Variants in MCCC2 observed in about 807,000 individuals in gnomAD.
MCCC2 encodes the protein methylcrotonyl-CoA carboxylase subunit 2, also known as methylcrotonoyl-CoA carboxylase beta chain, mitochondrial.
In MCCC2, 52 loss-of-function variants were observed where a neutral mutation model predicts 77.2. The observed-to-expected ratio is 0.67, with a 90% CI of 0.54 to 0.85. The LOEUF is 0.85. Ranked by LOEUF, MCCC2 falls within the 40% of genes least tolerant of loss-of-function variation. The probability of loss-of-function intolerance (pLI) is 0.00; values close to 1 mark genes in which losing one functional copy is unlikely to be tolerated. For synonymous variants in MCCC2, 253 were observed against 248.4 expected, an observed-to-expected ratio of 1.02 and a Z score of -0.18; for missense variants, 682 against 703.2, an observed-to-expected ratio of 0.97 and a Z score of 0.34.
chr5:71,604,311 A>G lies in MCCC2; in HGVS notation c.512-45A>G, dbSNP rs1745577631. On this transcript the variant is annotated intron_variant, in intron 5 of 16. Transcript: ENST00000340941. ...ATACAAGTTTCCCTCTGCGTAGCAC[A>G]TTTAGTTCATAGAGATGCTTATGTT... The G allele has an allele frequency of 2.7e-6, 4 of 1,508,422 alleles. No homozygotes were observed. The African/African-American group carries it at 4.1e-5, about 16-fold the overall frequency. 93.4% of individuals were successfully genotyped at this position (1,508,422 alleles called of 1,614,324 possible).
chr5:71,588,268 CAAAA>C (rs11309257), intron 1 of MCCC2, among the ~76,000 whole-genome samples: 7 of 100,654 alleles, frequency 7.0e-5, no homozygotes, highest in African/African-American at 1.5e-4. Flanking sequence ...AACTCTGTCT[CAAAA>C]AAAAAAAAAA....
chr5:71,595,374 A>G (rs1462216040), intron 2 of MCCC2, among the ~76,000 whole-genome samples: 1 of 145,076 alleles, frequency 6.9e-6, no homozygotes, highest in African/African-American at 2.5e-5. Flanking sequence ...GGCTGTAGTG[A>G]GCCATGCTGG....
chr5:71,642,387 T>G (rs867367595), intron 11 of MCCC2, among the ~76,000 whole-genome samples: 36 of 152,216 alleles, frequency 2.4e-4, no homozygotes, highest in African/African-American at 8.4e-4. Context: ...TCCTCCTGCC[T>G]CAGCACTTAC....
rs368793050 is a variant in MCCC2 at position 71,599,802 on chromosome 5, A to G, written c.383+42A>G. 5.9e-6 allele frequency: 9 copies of G among 1,512,648 alleles called. No individual in the cohort carries two copies. In the East Asian group the frequency reaches 2.0e-4, roughly 34 times the overall value. 93.7% of individuals were successfully genotyped at this position (1,512,648 alleles called of 1,614,324 possible). Reference sequence around the variant, plus strand: ...TGCTTCATAATGTGGGTTGAGAAGAAGACTTTGATGAGGCACAGGCATCCA... The same window carrying G: ...TGCTTCATAATGTGGGTTGAGAAGAGGACTTTGATGAGGCACAGGCATCCA... On this transcript the variant is annotated intron_variant, in intron 4 of 16. Transcript: ENST00000340941.
intron 6 of MCCC2, among the ~76,000 whole-genome samples, chr5:71,613,006 T>TA (rs1746021450): frequency 6.6e-6 from 1 of 152,236 alleles, no homozygotes; most frequent in African/African-American, 2.4e-5. Flanking sequence ...TGGCTCCAGG[T>TA]ATTCCCCTGG....
intron 4 of MCCC2, among the ~76,000 whole-genome samples, chr5:71,601,557 T>C (rs767749642): frequency 1.5e-4 from 23 of 152,214 alleles, no homozygotes; most frequent in South Asian, 1.0e-3. Context: ...AAGAGTCCTG[T>C]TTGTCTTGTG....
At chr5:71,622,467 A>G (rs776999375) in intron 6 of MCCC2, among the ~76,000 whole-genome samples, 10 of 152,298 alleles carry the variant, frequency 6.6e-5, no homozygotes, top group South Asian at 4.2e-4. Flanking sequence ...ATATCATATA[A>G]CTTACCCATT....
At chr5:71,632,005 T>TA (rs1023879463) in intron 7 of MCCC2, 116 bp from the exon 8 acceptor site, 2 of 903,104 alleles carry the variant, frequency 2.2e-6, no homozygotes, top group African/African-American at 3.3e-5. Flanking sequence ...CAGTGTTCTT[T>TA]AGTTCTATGG....
At chr5:71,641,340 G>T in intron 11 of MCCC2, 1 of 414,354 alleles carries the variant, frequency 2.4e-6, no homozygotes, top group South Asian at 2.9e-5. Flanking sequence ...TGTATAAAAA[G>T]GTTCTTATAG....
In MCCC2 at chr5:71,656,882, G is replaced by T; in HGVS notation, c.*22G>T. On this transcript the variant is annotated 3_prime_UTR_variant, in exon 17 of 17. Coordinates refer to ENST00000340941, the MANE Select transcript of MCCC2 (RefSeq NM_022132.5). ...GTAACTGGAATAAAGGATGTTTTCT[G>T]TTGGACATGTACTGAAAATTAACAC... 6.4e-7 allele frequency: 1 copy of T among 1,569,844 alleles called. No individual in the cohort carries two copies. The highest frequency in any genetic ancestry group is 8.8e-7 in the Non-Finnish European group (1 of 1,139,836).
intron 13 of MCCC2, among the ~76,000 whole-genome samples, chr5:71,647,324 T>C (rs1747297500): frequency 6.6e-6 from 1 of 152,210 alleles, no homozygotes; most frequent in African/African-American, 2.4e-5. Context: ...TCCTGTGAGC[T>C]ACTTAGGTTC....
chr5:71,650,048 T>G, intron 14 of MCCC2, 21 bp from the exon 15 acceptor site: 2 of 1,582,032 alleles, frequency 1.3e-6, no homozygotes, highest in Non-Finnish European at 1.7e-6. Context: ...AATTTGTTTA[T>G]TCTTCCTTTT....
intron 6 of MCCC2, among the ~76,000 whole-genome samples, chr5:71,618,491 T>TCCTTCCTTCCTTCCTTCCTTCCTG: frequency 1.4e-4 from 1 of 7,128 alleles, no homozygotes; most frequent in African/African-American, 3.7e-4. Flanking sequence ...CTTTCCTTCT[T>TCCTTCCTTCCTTCCTTCCTTCCTG]CCTTCCTTCC....
At chr5:71,592,740 C>A in intron 1 of MCCC2, 186 bp from the exon 2 acceptor site, 1 of 636,754 alleles carries the variant, frequency 1.6e-6, no homozygotes, top group East Asian at 2.7e-5. Flanking sequence ...ACAAGACAGG[C>A]AGGGGTGAAT....
chr5:71,652,815 T>G, intron 16 of MCCC2, 61 bp downstream of exon 16: 4 of 1,382,532 alleles, frequency 2.9e-6, no homozygotes, highest in Non-Finnish European at 4.1e-6. Flanking sequence ...AGGAACAGCT[T>G]TACAGAGCTC....
rs1017075212 is a variant in MCCC2, at chr5:71,658,364, T to G, written c.*1504T>G. The G allele has an allele frequency of 6.6e-6, 1 of 152,210 alleles. No homozygotes were observed. The highest frequency in any genetic ancestry group is 2.4e-5 in the African/African-American group (1 of 41,442). 9.4% of individuals were successfully genotyped at this position (152,210 alleles called of 1,614,324 possible). ...TTGCTTCTCTCAGTTTAAACTCCACTTCCTTAGGGATGTCTCTGTGACCTC... is the reference window on the plus strand; with the variant it reads ...TTGCTTCTCTCAGTTTAAACTCCACGTCCTTAGGGATGTCTCTGTGACCTC... On this transcript the variant is annotated 3_prime_UTR_variant, in exon 17 of 17. Transcript: ENST00000340941.
At chr5:71,641,688 T>G (rs1047157499) in intron 11 of MCCC2, among the ~76,000 whole-genome samples, 1 of 152,222 alleles carries the variant, frequency 6.6e-6, no homozygotes, top group Admixed American at 6.5e-5. Context: ...GCTAGACCCA[T>G]AATAATCTAT....
At chr5:71,595,746 G>A (rs1346413200) in intron 2 of MCCC2, among the ~76,000 whole-genome samples, 1 of 152,156 alleles carries the variant, frequency 6.6e-6, no homozygotes, top group African/African-American at 2.4e-5. Context: ...AAGCACTGAA[G>A]ACAATCTCTG....
Position 71,634,985 on chromosome 5 carries a change from T to A in MCCC2, c.846T>A (p.His282Gln), listed in dbSNP as rs750092172. Residue 282 changes from histidine (H) to glutamine (Q), a missense_variant, in exon 9 of 17, where the codon CAT (histidine) becomes CAA (glutamine). Transcript: ENST00000340941. ...ACCACTGGGCTTTGGATGATCATCA[T>A]GCCCTTCACTTAACTAGGAAGGTTG... The part of the protein sequence containing the change: ...VSDHWALDDH[H>Q]ALHLTRKVVR... 1 of 1,614,154 alleles carries A rather than the reference T, an allele frequency of 6.2e-7. No individual in the cohort carries two copies.
Sources: allele counts gnomAD v4.1 joint callset (sites outside exome capture counted in the v4.1 genomes callset), GRCh38; gene constraint gnomAD v4.1.1; transcripts MANE v1.5; gene names NCBI Gene and HGNC (gene_info 2026-07-23, HGNC 2026-07-21).